UBAC1: variants seen among roughly 807,000 people sequenced by gnomAD.
UBAC1 encodes UBA domain containing 1.
Under a neutral mutation model 45.9 loss-of-function variants are expected in UBAC1, and 27 were observed. That is an observed-to-expected ratio of 0.59 (90% CI 0.43 to 0.81). The LOEUF is 0.81. UBAC1 is among the 30% of genes least tolerant of loss of function. The pLI is 0.00. For missense variants in UBAC1, 529 were observed against 539.2 expected (o/e 0.98, Z 0.19); for synonymous variants, 227 against 215.5 (o/e 1.05, Z -0.47).
chr9:135,938,191 C>T lies in UBAC1; in HGVS notation c.1102+31G>A, dbSNP rs1284275842. 3.7e-6 allele frequency: 6 copies of T among 1,609,286 alleles called. No homozygotes were observed. The African/African-American group carries it at 4.0e-5, about 11-fold the overall frequency. ...AAGGGAACCAGCCAGCCTCCCCGAC[C>T]CGAGACTTAGCATAAAGAAGGCGCA... On this transcript the variant is annotated intron_variant, in intron 9 of 9. Coordinates refer to ENST00000371756, the MANE Select transcript of UBAC1 (RefSeq NM_016172.3).
chr9:135,946,432 G>T, intron 4 of UBAC1, 61 bp from the exon 5 acceptor site: 1 of 1,069,776 alleles, frequency 9.3e-7, no homozygotes, highest in Non-Finnish European at 1.5e-6. Context: ...TTGGATCTAT[G>T]ACTTGCTCCC....
At chr9:135,940,701 AT>A (rs1447616288) in intron 7 of UBAC1, among the ~76,000 whole-genome samples, 1 of 152,230 alleles carries the variant, frequency 6.6e-6, no homozygotes, top group Non-Finnish European at 1.5e-5. Flanking sequence ...TCTGGACACA[AT>A]TCATGTAACA....
intron 2 of UBAC1, among the ~76,000 whole-genome samples, chr9:135,954,237 G>A (rs1006247240): frequency 2.6e-5 from 4 of 151,914 alleles, no homozygotes; most frequent in Non-Finnish European, 5.9e-5. Flanking sequence ...CTTGAGCCCA[G>A]GAGTTCAAGA....
At chr9:135,942,812 C>T (rs1588531807) in intron 7 of UBAC1, among the ~76,000 whole-genome samples, 1 of 152,206 alleles carries the variant, frequency 6.6e-6, no homozygotes, top group Admixed American at 6.5e-5. Flanking sequence ...TGTCTACACA[C>T]AGACAGAACG....
intron 1 of UBAC1, 51 bp downstream of exon 1, chr9:135,960,974 C>A (rs1279652438): frequency 2.8e-6 from 4 of 1,412,244 alleles, no homozygotes; most frequent in South Asian, 1.3e-5. Flanking sequence ...GGTCCGCAGT[C>A]GGAGGGGTCC....
intron 1 of UBAC1, among the ~76,000 whole-genome samples, chr9:135,957,772 CTTTTTT>C (rs56142900): frequency 7.4e-6 from 1 of 135,656 alleles, no homozygotes; most frequent in Non-Finnish European, 1.6e-5. Flanking sequence ...TGAACTCCTT[CTTTTTT>C]TTTTTTTTTT....
chr9:135,957,743 T>C (rs1839483672), intron 1 of UBAC1, among the ~76,000 whole-genome samples: 1 of 151,406 alleles, frequency 6.6e-6, no homozygotes, highest in South Asian at 2.1e-4. Context: ...GGGTACTCTC[T>C]TCTAGTCTGG....
At chr9:135,940,301 C>T (rs1437204624) in intron 7 of UBAC1, among the ~76,000 whole-genome samples, 3 of 152,048 alleles carry the variant, frequency 2.0e-5, no homozygotes, top group South Asian at 4.2e-4. Context: ...ATCCTAGGGC[C>T]GGGCGCGGTG....
intron 1 of UBAC1, among the ~76,000 whole-genome samples, chr9:135,958,845 C>T (rs1272684418): frequency 1.3e-5 from 2 of 152,184 alleles, no homozygotes; most frequent in East Asian, 1.9e-4. Context: ...AAATGTATGT[C>T]GGCTCTTGCG....
In UBAC1 at chr9:135,953,067, C is replaced by T. The variant is rs558475268; in HGVS notation, c.333+613G>A. ...GAACAGGAGCACACGCAGGTGAAGG[C>T]GGACAGCAGCGCGGGAGTGAACCGT... On this transcript the variant is annotated intron_variant, in intron 3 of 9. Coordinates refer to ENST00000371756, the MANE Select transcript of UBAC1 (RefSeq NM_016172.3). Among the ~76,000 whole-genome samples, 6 of 152,214 alleles carry T rather than the reference C, an allele frequency of 3.9e-5. No individual in the cohort carries two copies. In the South Asian group the frequency reaches 8.3e-4, roughly 21 times the overall value.
Position 135,933,414 on chromosome 9 carries a change from GTGTCTGGAAGATTCTAGAGA to G in UBAC1, c.1184_1203del (p.Ile395ThrfsTer44). On this transcript the variant is annotated frameshift_variant, in exon 10 of 10. Transcript: ENST00000371756. LOFTEE classifies it high-confidence loss of function. ...AACAACGCCACCTACGTGCGATTTA[GTGTCTGGAAGATTCTAGAGA>G]TCTGCAGCATGACAGGCCCCGTTTC... is the stretch of plus-strand genomic sequence containing the variant. 6.2e-7 allele frequency: 1 copy of G among 1,614,110 alleles called. No homozygotes were observed. The highest frequency in any genetic ancestry group is 8.5e-7 in the Non-Finnish European group (1 of 1,179,962).
chr9:135,933,827 C>T (rs1839174936), intron 9 of UBAC1, among the ~76,000 whole-genome samples: 1 of 152,200 alleles, frequency 6.6e-6, no homozygotes, highest in Non-Finnish European at 1.5e-5. Flanking sequence ...CAAAAATCAT[C>T]TTCCCCAACA....
intron 3 of UBAC1, among the ~76,000 whole-genome samples, chr9:135,950,484 G>A (rs974090091): frequency 4.6e-5 from 7 of 152,144 alleles, no homozygotes; most frequent in African/African-American, 1.4e-4. Flanking sequence ...AAAAATCAGC[G>A]ATAAGCCTAT....
At position 135,945,122 on chromosome 9, in the gene UBAC1, G is replaced by A. The variant is rs201456643; in HGVS notation, c.782C>T (p.Ala261Val). 13 of 1,613,886 alleles carry A rather than the reference G, an allele frequency of 8.1e-6. No homozygotes were observed. Among genetic ancestry groups the A allele is most frequent in the Middle Eastern group, 1.6e-4 (1 of 6,084 alleles). Residue 261 changes from alanine (A) to valine (V), a missense_variant, in exon 7 of 10, where the codon GCG becomes GTG. Coordinates refer to ENST00000371756, the MANE Select transcript of UBAC1 (RefSeq NM_016172.3). ...CTCCTCATCGGTGGCGCTGGCTCCC[G>A]CGGCAGCCTCGGAGGCAGCTGCTGT... is the stretch of plus-strand genomic sequence containing the variant. ...GATAAASEAAAGASATDEEAR... is the reference protein window; with the variant it reads ...GATAAASEAAVGASATDEEAR...
chr9:135,944,912 G>C, intron 7 of UBAC1, 116 bp downstream of exon 7: 1 of 1,043,630 alleles, frequency 9.6e-7, no homozygotes. Context: ...TCTCTCTCCT[G>C]GGACAGGAGC....
chr9:135,946,516 C>T (rs755162494), intron 4 of UBAC1, 145 bp from the exon 5 acceptor site: 13 of 646,302 alleles, frequency 2.0e-5, no homozygotes, highest in Non-Finnish European at 3.6e-5. Context: ...CAGCTGAGGG[C>T]AAGGCAGGGG....
At position 135,946,007 on chromosome 9, in the gene UBAC1, G is replaced by A. The variant is rs755192732; in HGVS notation, c.545-10C>T. ...TCCTCGTCCAGCATTGCTGCAGGGA[G>A]ACGACAGGGCCATGAGGGCTCCAGC... On this transcript the variant is annotated splice_polypyrimidine_tract_variant and intron_variant, in intron 5 of 9. Transcript: ENST00000371756. 3 of 1,612,288 alleles carry A rather than the reference G, an allele frequency of 1.9e-6. No individual in the cohort carries two copies. The highest frequency in any genetic ancestry group is 2.2e-5 in the South Asian group (2 of 91,070).
chr9:135,961,231 GA>G lies in UBAC1; in HGVS notation c.-70del. ...GAAGGTCACCGGGAAGGCGGGCGGG[GA>G]GGGGGCGGGGCCAGACCGCCCGCGC... On this transcript the variant is annotated 5_prime_UTR_variant, in exon 1 of 10. Coordinates refer to ENST00000371756, the MANE Select transcript of UBAC1 (RefSeq NM_016172.3). 1.4e-6 allele frequency: 2 copies of G among 1,408,816 alleles called. No homozygotes were observed. Among genetic ancestry groups the G allele is most frequent in the South Asian group, 2.8e-5 (2 of 72,076 alleles). The allele number at this position is 1,408,816 out of a possible 1,614,324, so 87.3% of individuals were successfully genotyped here.
At chr9:135,950,380 A>T (rs1839393922) in intron 3 of UBAC1, among the ~76,000 whole-genome samples, 1 of 152,232 alleles carries the variant, frequency 6.6e-6, no homozygotes. Context: ...ACAGATGCGC[A>T]GGCCAGAGGG....
Sources: gnomAD v4.1 joint callset for allele counts (sites outside exome capture counted in the v4.1 genomes callset) on GRCh38, gnomAD v4.1.1 for gene constraint, MANE v1.5 for transcripts, NCBI Gene and HGNC (gene_info 2026-07-23, HGNC 2026-07-21) for gene names.